HDAC9: variants seen among roughly 807,000 people sequenced by gnomAD.
HDAC9 encodes the protein histone deacetylase 9.
In HDAC9, 41 loss-of-function variants were observed where a neutral mutation model predicts 139.4. That is an observed-to-expected ratio of 0.29 (90% confidence interval 0.23 to 0.38). The LOEUF is 0.38. Among genes scored for constraint, HDAC9 ranks in the 10% least tolerant of loss-of-function variants. HDAC9 has a pLI of 1.00. For synonymous variants in HDAC9, 517 were observed against 476.2 expected (o/e 1.09, Z -1.12); for missense variants, 1,147 against 1,297.0 (o/e 0.88, Z 1.78).
At chr7:18,274,106 C>T (rs1026619088) in intron 2 of HDAC9, among the ~76,000 whole-genome samples, 17 of 151,868 alleles carry the variant, frequency 1.1e-4, no homozygotes, top group African/African-American at 4.1e-4. Context: ...CATATGTATA[C>T]AAAGGGACAT....
At chr7:18,608,055 GA>G (rs2128896866) in intron 6 of HDAC9, among the ~76,000 whole-genome samples, 1 of 152,214 alleles carries the variant, frequency 6.6e-6, no homozygotes, top group African/African-American at 2.4e-5. Context: ...GAGATTTATT[GA>G]AAAATGATTC....
intron 2 of HDAC9, among the ~76,000 whole-genome samples, chr7:18,201,724 C>G (rs1394114663): frequency 2.6e-5 from 4 of 152,226 alleles, no homozygotes; most frequent in Non-Finnish European, 5.9e-5. Context: ...TCCTTCTTTT[C>G]TCTTGCTTTA....
intron 1 of HDAC9, among the ~76,000 whole-genome samples, chr7:18,422,397 C>T (rs557146225): frequency 1.3e-5 from 2 of 152,234 alleles, no homozygotes; most frequent in Non-Finnish European, 2.9e-5. Flanking sequence ...TCAATATTGT[C>T]AGGTGAGGTA....
chr7:18,358,903 G>T (rs555255440), intron 1 of HDAC9, among the ~76,000 whole-genome samples: 1 of 152,294 alleles, frequency 6.6e-6, no homozygotes, highest in African/African-American at 2.4e-5. Context: ...CAAAGTACCT[G>T]TCACATAGTC....
chr7:18,500,871 CAA>C (rs1586361177), intron 2 of HDAC9, among the ~76,000 whole-genome samples: 1 of 151,094 alleles, frequency 6.6e-6, no homozygotes, highest in East Asian at 1.9e-4. Flanking sequence ...AGATGATAAA[CAA>C]GAGAATGAGA....
Position 18,991,050 on chromosome 7 carries a change from C to T in HDAC9, c.3171-4973C>T, listed in dbSNP as rs183107440. ...GCTGTAGACCGGAGCTGTTCCTATT[C>T]GGCCATCTTGGCTCCTCTCGATCTT... On this transcript the variant is annotated intron_variant, in intron 25 of 25. Transcript: ENST00000686413. 3.9e-4 allele frequency among the ~76,000 whole-genome samples: 60 copies of T among 152,354 alleles called. No individual in the cohort carries two copies. The East Asian group carries it at 7.1e-3, about 18-fold the overall frequency.
chr7:18,319,074 C>A lies in HDAC9; in HGVS notation c.-42+28559C>A, dbSNP rs186429640. ...CAAACAAACGTTAAATGTTTGTTAG[C>A]GTAGTAGCATTTACCGTAATTGTTG... On this transcript the variant is annotated intron_variant, in intron 1 of 3. Coordinates refer to the HDAC9 transcript ENST00000413509. Among the ~76,000 whole-genome samples, 1,068 of 152,234 alleles carry A rather than the reference C, an allele frequency of 7.0e-3. 4 individuals are homozygous for A. Among genetic ancestry groups the A allele is most frequent in the Non-Finnish European group, 0.012 (783 of 67,996 alleles).
At chr7:18,238,754 C>T (rs1362856326) in intron 2 of HDAC9, among the ~76,000 whole-genome samples, 3 of 152,184 alleles carry the variant, frequency 2.0e-5, no homozygotes, top group Admixed American at 6.5e-5. Context: ...GATGAAATTG[C>T]ACCCCTAGCT....
At chr7:18,575,038 C>T (rs1296826696) in intron 2 of HDAC9, among the ~76,000 whole-genome samples, 1 of 152,270 alleles carries the variant, frequency 6.6e-6, no homozygotes, top group Non-Finnish European at 1.5e-5. Context: ...GCCCCCACTG[C>T]AGCTGGTGTC....
intron 17 of HDAC9, among the ~76,000 whole-genome samples, chr7:18,828,421 G>C (rs1334357057): frequency 6.6e-6 from 1 of 152,172 alleles, no homozygotes; most frequent in Non-Finnish European, 1.5e-5. Flanking sequence ...AGTTACTTCA[G>C]CTTTCCGTGA....
At chr7:18,655,307 A>C (rs993581566) in intron 11 of HDAC9, among the ~76,000 whole-genome samples, 1 of 152,158 alleles carries the variant, frequency 6.6e-6, no homozygotes, top group Non-Finnish European at 1.5e-5. Context: ...ATGTCCAAAA[A>C]CTTTAGCAAG....
chr7:18,231,583 G>C (rs911058622), intron 2 of HDAC9, among the ~76,000 whole-genome samples: 1 of 152,128 alleles, frequency 6.6e-6, no homozygotes, highest in Non-Finnish European at 1.5e-5. Flanking sequence ...AAAATATTTT[G>C]AGTTAATTTT....
intron 1 of HDAC9, among the ~76,000 whole-genome samples, chr7:18,473,010 C>T (rs1157912528): frequency 6.6e-6 from 1 of 152,168 alleles, no homozygotes; most frequent in African/African-American, 2.4e-5. Flanking sequence ...TCCAGATAGA[C>T]TCACCTGTCT....
chr7:18,777,538 C>T (rs1488882190), intron 16 of HDAC9, among the ~76,000 whole-genome samples: 1 of 151,826 alleles, frequency 6.6e-6, no homozygotes, highest in Non-Finnish European at 1.5e-5. Context: ...TGCCCAGTTT[C>T]GTGTTGTATT....
At chr7:18,683,134 C>A (rs572793618) in intron 12 of HDAC9, among the ~76,000 whole-genome samples, 68 of 151,828 alleles carry the variant, frequency 4.5e-4, no homozygotes, top group Non-Finnish European at 8.7e-4. Flanking sequence ...AAACGAATAA[C>A]AATAGTGAAA....
At chr7:18,779,663 G>T (rs1387913051) in intron 16 of HDAC9, among the ~76,000 whole-genome samples, 3 of 151,996 alleles carry the variant, frequency 2.0e-5, no homozygotes, top group African/African-American at 7.2e-5. Context: ...GCTAAGCAAG[G>T]CTCCCACATG....
intron 16 of HDAC9, among the ~76,000 whole-genome samples, chr7:18,774,767 T>C (rs116462735): frequency 0.011 from 1,604 of 152,186 alleles, 32 homozygotes; most frequent in African/African-American, 0.037. Context: ...TATTTCACTT[T>C]CTTAGCATTT....
chr7:18,386,584 G>C (rs1785950527), intron 1 of HDAC9, among the ~76,000 whole-genome samples: 2 of 152,158 alleles, frequency 1.3e-5, no homozygotes, highest in African/African-American at 4.8e-5. Context: ...TACCAGTGGA[G>C]GGGAATTAAA....
In HDAC9 at chr7:18,691,435, C is replaced by T. The variant is rs2588606; in HGVS notation, c.1731+24959C>T. Among the ~76,000 whole-genome samples the T allele has an allele frequency of 4.6e-5, 7 of 151,728 alleles. No homozygotes were observed. The East Asian group carries it at 1.4e-3, about 29-fold the overall frequency. ...AAGTACCAAAGAGTAGAGGGACTTT[C>T]GTAAGCAGTATAAAACTAAATTATA... On this transcript the variant is annotated intron_variant, in intron 12 of 25. Coordinates refer to ENST00000686413, the MANE Select transcript of HDAC9 (RefSeq NM_178425.4).
Sources: allele counts gnomAD v4.1 joint callset (sites outside exome capture counted in the v4.1 genomes callset), GRCh38; gene constraint gnomAD v4.1.1; transcripts MANE v1.5; gene names NCBI Gene and HGNC (gene_info 2026-07-23, HGNC 2026-07-21).